The following SMOC1 variants were observed in gnomAD, a reference collection of about 807,000 sequenced individuals.
SMOC1 encodes SPARC related modular calcium binding 1.
SMOC1 carries 22 observed loss-of-function variants against 56.3 expected under a neutral mutation model. That is an observed-to-expected ratio of 0.39 (90% CI 0.28 to 0.56). The LOEUF is 0.56. Among genes scored for constraint, SMOC1 ranks in the 20% least tolerant of loss-of-function variants. SMOC1 has a pLI of 0.61. For missense variants in SMOC1, 509 were observed against 565.4 expected (o/e 0.90, Z 1.01); for synonymous variants, 193 against 215.0 (o/e 0.90, Z 0.89).
intron 3 of SMOC1, among the ~76,000 whole-genome samples, chr14:69,961,272 GTA>G (rs35703501): frequency 0.049 from 3,611 of 74,108 alleles, 133 homozygotes; most frequent in Middle Eastern, 0.096. Flanking sequence ...ATTCTATTGT[GTA>G]TATATATATA....
chr14:69,968,648 C>T (rs543577099), intron 3 of SMOC1, among the ~76,000 whole-genome samples: 4 of 152,180 alleles, frequency 2.6e-5, no homozygotes, highest in Admixed American at 6.5e-5. Flanking sequence ...CCCTGCTATC[C>T]GATTTGGAGT....
intron 1 of SMOC1, among the ~76,000 whole-genome samples, chr14:69,936,113 T>C (rs893100244): frequency 1.3e-5 from 2 of 152,178 alleles, no homozygotes; most frequent in Non-Finnish European, 2.9e-5. Flanking sequence ...GTGATTTTCA[T>C]TTCTCCCCCA....
At position 70,011,408 on chromosome 14, in the gene SMOC1, C is replaced by T; in HGVS notation, c.858-77C>T. On this transcript the variant is annotated intron_variant, in intron 8 of 11. Coordinates refer to ENST00000361956, the MANE Select transcript of SMOC1 (RefSeq NM_001034852.3). ...CTTTAGGCTTGGTGACAACATAGAT[C>T]ATTGCTGGGCAGTAGTGACTGAAGT... is the stretch of plus-strand genomic sequence containing the variant. The T allele has an allele frequency of 2.2e-6, 3 of 1,356,142 alleles. No homozygotes were observed. In the South Asian group the frequency reaches 3.5e-5, roughly 16 times the overall value. The allele number at this position is 1,356,142 out of a possible 1,614,324, so 84.0% of individuals were successfully genotyped here.
chr14:69,898,964 TC>T (rs1361567766), intron 1 of SMOC1, among the ~76,000 whole-genome samples: 2 of 152,162 alleles, frequency 1.3e-5, no homozygotes, highest in Non-Finnish European at 2.9e-5. Context: ...CATTCTATAG[TC>T]CTATGATTAG....
intron 5 of SMOC1, among the ~76,000 whole-genome samples, chr14:69,981,571 G>A (rs958115394): frequency 2.0e-5 from 3 of 152,160 alleles, no homozygotes; most frequent in African/African-American, 7.2e-5. Flanking sequence ...GCATTCACAT[G>A]TGTTTTATGG....
intron 1 of SMOC1, among the ~76,000 whole-genome samples, chr14:69,950,425 C>T (rs1290231500): frequency 6.6e-6 from 1 of 152,210 alleles, no homozygotes; most frequent in Non-Finnish European, 1.5e-5. Context: ...AACAAGTTCT[C>T]ATCTATTTGC....
chr14:69,976,773 AT>A (rs1291293771), intron 4 of SMOC1, among the ~76,000 whole-genome samples: 2 of 152,104 alleles, frequency 1.3e-5, no homozygotes, highest in African/African-American at 2.4e-5. Context: ...TGATTTACAT[AT>A]TTTTCATTTT....
intron 9 of SMOC1, among the ~76,000 whole-genome samples, chr14:70,012,375 G>A (rs1051467266): frequency 6.6e-6 from 1 of 152,242 alleles, no homozygotes; most frequent in African/African-American, 2.4e-5. Flanking sequence ...GTATAATCTA[G>A]TGGTCAAAGT....
Position 69,977,913 on chromosome 14 carries a change from C to A in SMOC1, c.479-5C>A, listed in dbSNP as rs1884027136. The A allele has an allele frequency of 6.2e-7, 1 of 1,613,690 alleles. No individual in the cohort carries two copies. Among genetic ancestry groups the A allele is most frequent in the Non-Finnish European group, 8.5e-7 (1 of 1,179,772 alleles). On this transcript the variant is annotated splice_polypyrimidine_tract_variant and splice_region_variant and intron_variant, in intron 4 of 11. Coordinates refer to ENST00000361956, the MANE Select transcript of SMOC1 (RefSeq NM_001034852.3). ...GCTATGTTTTTGTTTCCCTTCTCAC[C>A]CAAGGTTCAGTCACCGACAAGCCCT... is the stretch of plus-strand genomic sequence containing the variant.
chr14:70,027,481 T>C (rs60248413), intron 11 of SMOC1, among the ~76,000 whole-genome samples: 9,532 of 151,850 alleles, frequency 0.063, 422 homozygotes, highest in Middle Eastern at 0.13. Flanking sequence ...GCAACCTGAG[T>C]GGGGAAGCCC....
At chr14:69,988,423 C>A (rs1884446568) in intron 5 of SMOC1, among the ~76,000 whole-genome samples, 1 of 152,062 alleles carries the variant, frequency 6.6e-6, no homozygotes, top group South Asian at 2.1e-4. Context: ...TATACAGATT[C>A]ACATACATTT....
chr14:70,013,044 G>T (rs949169915), intron 9 of SMOC1, among the ~76,000 whole-genome samples: 2 of 152,182 alleles, frequency 1.3e-5, no homozygotes, highest in African/African-American at 4.8e-5. Context: ...TTGGCTATTA[G>T]CTTGAGTTCC....
chr14:70,000,547 G>A (rs1884930788), intron 7 of SMOC1, among the ~76,000 whole-genome samples: 3 of 152,238 alleles, frequency 2.0e-5, no homozygotes, highest in African/African-American at 7.2e-5. Flanking sequence ...ATAGAGATGG[G>A]AACTTTTCTA....
Position 69,919,408 on chromosome 14 carries a change from C to T in SMOC1, c.100-32730C>T, listed in dbSNP as rs950732055. Among the ~76,000 whole-genome samples, 5 of 152,192 alleles carry T rather than the reference C, an allele frequency of 3.3e-5. No homozygotes were observed. In the East Asian group the frequency reaches 7.7e-4, roughly 23 times the overall value. Reference sequence around the variant, plus strand: ...GGGAAGTTACTCTATTTCCCACATACACCCTGAACCTTTTCACTTCTGTAC... The same window carrying T: ...GGGAAGTTACTCTATTTCCCACATATACCCTGAACCTTTTCACTTCTGTAC... On this transcript the variant is annotated intron_variant, in intron 1 of 11. Transcript: ENST00000361956.
chr14:69,894,126 T>G (rs1350242844), intron 1 of SMOC1, among the ~76,000 whole-genome samples: 1 of 152,232 alleles, frequency 6.6e-6, no homozygotes, highest in African/African-American at 2.4e-5. Context: ...CCTAGCAAAC[T>G]AATACAGTGA....
At chr14:70,010,177 C>T (rs1298965249) in intron 7 of SMOC1, among the ~76,000 whole-genome samples, 1 of 152,232 alleles carries the variant, frequency 6.6e-6, no homozygotes, top group African/African-American at 2.4e-5. Flanking sequence ...TTCACTCGGC[C>T]TACTTTGTCC....
At chr14:70,002,062 C>G (rs1884988073) in intron 7 of SMOC1, among the ~76,000 whole-genome samples, 1 of 152,214 alleles carries the variant, frequency 6.6e-6, no homozygotes, top group Admixed American at 6.5e-5. Context: ...CTCTAGTTCC[C>G]TCTGACCGCC....
chr14:69,952,976 C>T (rs1883057511), intron 2 of SMOC1, among the ~76,000 whole-genome samples: 1 of 152,134 alleles, frequency 6.6e-6, no homozygotes, highest in Non-Finnish European at 1.5e-5. Context: ...GAATTTGTGA[C>T]CCCGGACTGC....
chr14:70,021,102 G>T (rs982730070), intron 10 of SMOC1, among the ~76,000 whole-genome samples: 3 of 152,158 alleles, frequency 2.0e-5, no homozygotes, highest in Non-Finnish European at 4.4e-5. Context: ...AGCTGCCTTT[G>T]CCTTGGAACT....
Sources: allele counts gnomAD v4.1 joint callset (sites outside exome capture counted in the v4.1 genomes callset), GRCh38; gene constraint gnomAD v4.1.1; transcripts MANE v1.5; gene names NCBI Gene and HGNC (gene_info 2026-07-23, HGNC 2026-07-21).